The following CNBD1 variants were observed in gnomAD, a reference collection of about 807,000 sequenced individuals.
The protein encoded by CNBD1 is cyclic nucleotide-binding domain-containing protein 1.
CNBD1 carries 71 observed loss-of-function variants against 54.4 expected under a neutral mutation model. The ratio of observed to expected loss-of-function variants is 1.30; its 90% CI spans 1.08 to 1.59. The LOEUF (loss-of-function observed/expected upper bound fraction) is 1.59, where lower values mean the gene tolerates loss of function less well. Among genes scored for constraint, CNBD1 ranks in the 40% most tolerant of loss-of-function variants. The pLI, the probability that CNBD1 is intolerant of heterozygous loss-of-function variation, is 0.00. For missense variants in CNBD1, 659 were observed against 518.0 expected (o/e 1.27, Z -2.64); for synonymous variants, 182 against 170.7 (o/e 1.07, Z -0.51).
chr8:87,195,225 AT>A (rs35035648), intron 4 of CNBD1, among the ~76,000 whole-genome samples: 48,954 of 119,646 alleles, frequency 0.41, 9,054 homozygotes, highest in Admixed American at 0.49. Flanking sequence ...GAGAAAATTG[AT>A]TTTTTTTTTT....
At chr8:87,235,293 A>T (rs891364990) in intron 5 of CNBD1, among the ~76,000 whole-genome samples, 1 of 152,138 alleles carries the variant, frequency 6.6e-6, no homozygotes, top group Non-Finnish European at 1.5e-5. Context: ...GTTCCTTTGC[A>T]TTCACAACTT....
chr8:87,409,187 A>C (rs1807699349), intron 2 of CNBD1, among the ~76,000 whole-genome samples: 1 of 152,168 alleles, frequency 6.6e-6, no homozygotes, highest in Non-Finnish European at 1.5e-5. Context: ...GAAAATTAAA[A>C]AGTTTTACTC....
chr8:87,261,351 A>G (rs890344013), intron 6 of CNBD1, among the ~76,000 whole-genome samples: 2 of 152,072 alleles, frequency 1.3e-5, no homozygotes, highest in Admixed American at 1.3e-4. Context: ...GGTTGCTAGA[A>G]GCTTTACTTT....
intron 1 of CNBD1, among the ~76,000 whole-genome samples, chr8:86,870,221 C>T (rs897324177): frequency 1.7e-5 from 1 of 59,838 alleles, no homozygotes; most frequent in Non-Finnish European, 3.2e-5. Flanking sequence ...CGGAATCTCG[C>T]TCTGTCGCCC....
intron 6 of CNBD1, among the ~76,000 whole-genome samples, chr8:87,255,564 A>T (rs949453646): frequency 2.6e-5 from 4 of 151,954 alleles, no homozygotes; most frequent in South Asian, 2.1e-4. Context: ...TCAGGTTTTT[A>T]AAAAAATACT....
intron 8 of CNBD1, among the ~76,000 whole-genome samples, chr8:87,321,695 T>C (rs558241466): frequency 1.3e-5 from 2 of 152,282 alleles, no homozygotes; most frequent in South Asian, 4.1e-4. Context: ...TTTAATTTGA[T>C]ATAATCTCAT....
chr8:86,892,363 G>C (rs1172077415), intron 2 of CNBD1, among the ~76,000 whole-genome samples: 3 of 152,012 alleles, frequency 2.0e-5, no homozygotes, highest in African/African-American at 7.2e-5. Flanking sequence ...TAAATTAATT[G>C]TCAAGCATTC....
intron 4 of CNBD1, among the ~76,000 whole-genome samples, chr8:87,077,619 C>A (rs1352894078): frequency 3.4e-5 from 5 of 146,062 alleles, no homozygotes; most frequent in African/African-American, 1.0e-4. Context: ...ACCCTGTGTC[C>A]AAGTGTTCTT....
At chr8:87,400,565 A>G (rs1807544313) in intron 2 of CNBD1, among the ~76,000 whole-genome samples, 2 of 152,162 alleles carry the variant, frequency 1.3e-5, no homozygotes, top group South Asian at 4.1e-4. Flanking sequence ...ACCCAAGTTC[A>G]GGACACAAGG....
intron 2 of CNBD1, among the ~76,000 whole-genome samples, chr8:87,422,086 T>A (rs1023750993): frequency 2.4e-4 from 35 of 145,618 alleles, no homozygotes; most frequent in African/African-American, 6.4e-4. Context: ...TTGAGAAGTG[T>A]CTGTTCATAT....
At chr8:86,928,499 C>G (rs1809402791) in intron 3 of CNBD1, among the ~76,000 whole-genome samples, 1 of 152,164 alleles carries the variant, frequency 6.6e-6, no homozygotes, top group Admixed American at 6.5e-5. Context: ...ACTTTAAAAG[C>G]CAGACCATTG....
At chr8:87,289,990 C>T (rs1041682676) in intron 8 of CNBD1, among the ~76,000 whole-genome samples, 2 of 152,040 alleles carry the variant, frequency 1.3e-5, no homozygotes, top group African/African-American at 4.8e-5. Flanking sequence ...TCTAGTGTAG[C>T]ATATTAATTC....
At chr8:86,988,805 T>A (rs963707742) in intron 4 of CNBD1, among the ~76,000 whole-genome samples, 1 of 152,176 alleles carries the variant, frequency 6.6e-6, no homozygotes, top group Non-Finnish European at 1.5e-5. Flanking sequence ...CTTATTTCAC[T>A]TAATATAATG....
At chr8:86,975,038 T>C (rs1330759747) in intron 4 of CNBD1, among the ~76,000 whole-genome samples, 1 of 152,068 alleles carries the variant, frequency 6.6e-6, no homozygotes, top group Non-Finnish European at 1.5e-5. Context: ...AATGAAAATA[T>C]TCTCTGTGTT....
chr8:87,165,826 C>T (rs530513833), intron 4 of CNBD1, among the ~76,000 whole-genome samples: 5 of 151,878 alleles, frequency 3.3e-5, no homozygotes, highest in South Asian at 4.2e-4. Flanking sequence ...TATTTATGGA[C>T]GTTCACCTAT....
chr8:87,261,397 A>G (rs1365924998), intron 6 of CNBD1, among the ~76,000 whole-genome samples: 2 of 151,988 alleles, frequency 1.3e-5, no homozygotes, highest in Non-Finnish European at 2.9e-5. Context: ...TAGAAGAAAA[A>G]CTTCAGCTGA....
intron 2 of CNBD1, among the ~76,000 whole-genome samples, chr8:87,392,536 G>A (rs1041779998): frequency 6.6e-6 from 1 of 151,970 alleles, no homozygotes; most frequent in African/African-American, 2.4e-5. Context: ...TTTTTGCTAA[G>A]TGAAAGAAGT....
At chr8:87,237,988 G>A (rs1219273080) in intron 6 of CNBD1, among the ~76,000 whole-genome samples, 2 of 146,302 alleles carry the variant, frequency 1.4e-5, no homozygotes, top group African/African-American at 5.5e-5. Flanking sequence ...ACATATAATG[G>A]ACCTAATGCT....
At chr8:86,998,484 G>A (rs1210397050) in intron 4 of CNBD1, among the ~76,000 whole-genome samples, 1 of 152,150 alleles carries the variant, frequency 6.6e-6, no homozygotes, top group Non-Finnish European at 1.5e-5. Flanking sequence ...AGCTGAAGAA[G>A]AAGGCACAAT....
Sources: allele counts gnomAD v4.1 joint callset (sites outside exome capture counted in the v4.1 genomes callset), GRCh38; gene constraint gnomAD v4.1.1; transcripts MANE v1.5; gene names NCBI Gene and HGNC (gene_info 2026-07-23, HGNC 2026-07-21).